The following IL1RAPL1 variants were observed in gnomAD, a reference collection of about 807,000 sequenced individuals.
IL1RAPL1 encodes interleukin-1 receptor accessory protein-like 1.
Under a neutral mutation model 48.4 loss-of-function variants are expected in IL1RAPL1, and 3 were observed. That is an observed-to-expected ratio of 0.06 (90% CI 0.03 to 0.16). The LOEUF (loss-of-function observed/expected upper bound fraction) is 0.16. Ranked by LOEUF, IL1RAPL1 falls within the 10% of genes least tolerant of loss-of-function variation. IL1RAPL1 has a pLI of 1.00. For synonymous variants in IL1RAPL1, 185 were observed against 187.7 expected (o/e 0.99, Z 0.12); for missense variants, 349 against 530.6 (o/e 0.66, Z 3.36).
chrX:29,941,010 A>C (rs1933117944), intron 8 of IL1RAPL1, among the ~76,000 whole-genome samples: 1 of 112,454 alleles, frequency 8.9e-6, no homozygotes, highest in Non-Finnish European at 1.9e-5. Flanking sequence ...TGTATTCAGG[A>C]AGATACAGCA....
At chrX:28,977,768 C>A in intron 2 of IL1RAPL1, among the ~76,000 whole-genome samples, 1 of 112,139 alleles carries the variant, frequency 8.9e-6, no homozygotes, top group Non-Finnish European at 1.9e-5. Flanking sequence ...GCCAGCCTGG[C>A]CAACATGGTG....
intron 2 of IL1RAPL1, among the ~76,000 whole-genome samples, chrX:28,804,783 T>G (rs935810845): frequency 5.4e-5 from 6 of 111,445 alleles, no homozygotes; most frequent in African/African-American, 2.0e-4. Context: ...CACTTAACAG[T>G]CACAGGTTCT....
intron 3 of IL1RAPL1, among the ~76,000 whole-genome samples, chrX:29,305,702 A>C (rs761339961): frequency 8.9e-6 from 1 of 111,807 alleles, no homozygotes; most frequent in East Asian, 2.8e-4. Flanking sequence ...TAGCTGTAGG[A>C]GAAGTGATAA....
chrX:29,018,024 G>A (rs1440891986), intron 2 of IL1RAPL1, among the ~76,000 whole-genome samples: 6 of 111,193 alleles, frequency 5.4e-5, no homozygotes, highest in African/African-American at 2.0e-4. Flanking sequence ...AAAGAATCTC[G>A]ATTTGTAGGA....
intron 5 of IL1RAPL1, among the ~76,000 whole-genome samples, chrX:29,561,176 T>A (rs1214749526): frequency 1.8e-5 from 2 of 112,435 alleles, no homozygotes; most frequent in Non-Finnish European, 3.8e-5. Context: ...CTGCCTCTCT[T>A]TTGTTTTTCC....
rs1922314649 is a variant in IL1RAPL1, at chrX:28,874,482, A to C, written c.82+85057A>C. Among the ~76,000 whole-genome samples, 3 of 112,328 alleles carry C rather than the reference A, an allele frequency of 2.7e-5. No homozygotes were observed. The South Asian group carries it at 1.1e-3, about 42-fold the overall frequency. ...TTTCAGATATGTGCAAATGATGATAAAGAAACATTCAATCATCAGTTATCT... is the reference window on the plus strand; with the variant it reads ...TTTCAGATATGTGCAAATGATGATACAGAAACATTCAATCATCAGTTATCT... On this transcript the variant is annotated intron_variant, in intron 2 of 10. Transcript: ENST00000378993.
chrX:29,947,417 A>G lies in IL1RAPL1; in HGVS notation c.1201+5623A>G, dbSNP rs779938831. On this transcript the variant is annotated intron_variant, in intron 9 of 10. Coordinates refer to ENST00000378993, the MANE Select transcript of IL1RAPL1 (RefSeq NM_014271.4). ...GACGCCAGGGCAAGCTTATAAGAAC[A>G]CTGTAATCACTAACACGAATCCTAT... is the stretch of plus-strand genomic sequence containing the variant. Among the ~76,000 whole-genome samples, 3 of 111,598 alleles carry G rather than the reference A, an allele frequency of 2.7e-5. No homozygotes were observed. In the Admixed American group the frequency reaches 2.9e-4, roughly 11 times the overall value.
At chrX:28,942,603 G>A (rs577060200) in intron 2 of IL1RAPL1, 9 of 94,677 alleles carry the variant, frequency 9.5e-5, no homozygotes, top group South Asian at 4.7e-4. Context: ...ATAATATAAA[G>A]GATAATTGGA....
At chrX:28,701,409 CAG>C (rs1318701221) in intron 1 of IL1RAPL1, among the ~76,000 whole-genome samples, 4 of 111,639 alleles carry the variant, frequency 3.6e-5, no homozygotes, top group Admixed American at 1.9e-4. Flanking sequence ...TGTTATGCCA[CAG>C]GGGGCAGTTA....
chrX:28,961,818 G>A (rs2147362791), intron 2 of IL1RAPL1, among the ~76,000 whole-genome samples: 1 of 111,749 alleles, frequency 8.9e-6, no homozygotes, highest in Admixed American at 9.5e-5. Flanking sequence ...TATATTGCCA[G>A]TTGTCTCCTG....
At chrX:29,863,862 C>G (rs1931640592) in intron 6 of IL1RAPL1, among the ~76,000 whole-genome samples, 1 of 111,238 alleles carries the variant, frequency 9.0e-6, no homozygotes, top group African/African-American at 3.3e-5. Flanking sequence ...TCTCAGCTCA[C>G]TGTAACCTCC....
intron 2 of IL1RAPL1, among the ~76,000 whole-genome samples, chrX:28,842,319 A>G (rs1233566728): frequency 9.0e-6 from 1 of 111,523 alleles, no homozygotes; most frequent in Non-Finnish European, 1.9e-5. Flanking sequence ...CTATGTAAAA[A>G]TAACTTCTAT....
chrX:29,730,743 A>C (rs1473229619), intron 6 of IL1RAPL1, among the ~76,000 whole-genome samples: 2 of 112,006 alleles, frequency 1.8e-5, no homozygotes, highest in African/African-American at 6.5e-5. Context: ...ATTGTTACAA[A>C]TCTATGTGGG....
chrX:29,282,705 T>G (rs1932221112), intron 2 of IL1RAPL1, among the ~76,000 whole-genome samples: 1 of 111,688 alleles, frequency 9.0e-6, no homozygotes, highest in Admixed American at 9.5e-5. Context: ...AAACAAATAA[T>G]AAATAACAGC....
At chrX:29,608,626 A>C (rs1368984078) in intron 5 of IL1RAPL1, among the ~76,000 whole-genome samples, 2 of 107,948 alleles carry the variant, frequency 1.9e-5, no homozygotes, top group Non-Finnish European at 3.8e-5. Flanking sequence ...GGAGATCGAG[A>C]CCATCCTGGC....
chrX:29,273,812 C>T (rs138634185), intron 2 of IL1RAPL1, among the ~76,000 whole-genome samples: 10 of 106,600 alleles, frequency 9.4e-5, no homozygotes, highest in African/African-American at 3.1e-4. Context: ...AGCATCCATG[C>T]GTGTATTCGC....
chrX:28,762,811 CACACACACACACAGAGAGAGAGAGAG>C lies in IL1RAPL1; in HGVS notation c.-24-26507_-24-26482del, dbSNP rs1207339915. ...GCACACACACACACACACACACACA[CACACACACACACAGAGAGAGAGAGAG>C]AGAGAGAGAGAGAGAAGCTTGTTTC... On this transcript the variant is annotated intron_variant, in intron 1 of 10. Transcript: ENST00000378993. Among the ~76,000 whole-genome samples the C allele has an allele frequency of 4.2e-4, 30 of 71,726 alleles. 1 individual carries two copies. The highest frequency in any genetic ancestry group is 2.3e-3 in the South Asian group (3 of 1,316). 62.3% of individuals were successfully genotyped at this position (71,726 alleles called of 115,157 possible). A position where few individuals can be genotyped will look rare whatever the true frequency, so the allele number is the denominator to read the frequency against.
Position 29,439,850 on chromosome X carries a change from G to GTTT in IL1RAPL1, c.703+40542_703+40543insTTT, listed in dbSNP as rs1424286174. Among the ~76,000 whole-genome samples the GTTT allele has an allele frequency of 2.1e-4, 8 of 38,043 alleles. 1 individual carries two copies. The East Asian group carries it at 4.0e-3, about 19-fold the overall frequency. The allele number at this position is 38,043 out of a possible 115,157, so 33.0% of individuals were successfully genotyped here. A position where few individuals can be genotyped will look rare whatever the true frequency, so the allele number is the denominator to read the frequency against. Reference sequence around the variant, plus strand: ...TCCAGGCTGTATTATTTGTTTGTTTGGTTTTTTTTTTTTTTTTTTTTGGTT... The same window carrying GTTT: ...TCCAGGCTGTATTATTTGTTTGTTTGTTTGTTTTTTTTTTTTTTTTTTTTGGTT... On this transcript the variant is annotated intron_variant, in intron 5 of 10. Coordinates refer to ENST00000378993, the MANE Select transcript of IL1RAPL1 (RefSeq NM_014271.4).
intron 5 of IL1RAPL1, among the ~76,000 whole-genome samples, chrX:29,460,699 T>C (rs1220037128): frequency 8.9e-6 from 1 of 112,304 alleles, no homozygotes; most frequent in Non-Finnish European, 1.9e-5. Flanking sequence ...AACAGCCTGG[T>C]CATTGACCCA....
Sources: allele counts gnomAD v4.1 joint callset (sites outside exome capture counted in the v4.1 genomes callset), GRCh38; gene constraint gnomAD v4.1.1; transcripts MANE v1.5; gene names NCBI Gene and HGNC (gene_info 2026-07-23, HGNC 2026-07-21).